Variants in ATP8A1 observed in about 807,000 individuals in gnomAD.
ATP8A1 encodes phospholipid-transporting ATPase IA.
A neutral mutation model predicts 177.7 loss-of-function variants in ATP8A1; 90 were observed. That is an observed-to-expected ratio of 0.51 (90% CI 0.43 to 0.60). ATP8A1 has a LOEUF of 0.60. Ranked by LOEUF, ATP8A1 falls within the 20% of genes least tolerant of loss-of-function variation. The pLI is 0.00. For synonymous variants in ATP8A1, 493 were observed against 485.9 expected (o/e 1.01, Z -0.19); for missense variants, 1,072 against 1,392.8 (o/e 0.77, Z 3.67).
chr4:42,638,694 T>C (rs1051561543), intron 1 of ATP8A1, among the ~76,000 whole-genome samples: 1 of 152,238 alleles, frequency 6.6e-6, no homozygotes, highest in East Asian at 1.9e-4. Context: ...CAGATAACTT[T>C]ATCTGACAGA....
Position 42,556,050 on chromosome 4 carries a change from G to A in ATP8A1, c.1341-10C>T. On this transcript the variant is annotated splice_polypyrimidine_tract_variant and intron_variant, in intron 15 of 36. Transcript: ENST00000381668. ...AAACTGTGAGTTCTGCCTGAAGGGGGTAAAAAATAGAGTAAACCCAGTTCA... is the reference window on the plus strand; with the variant it reads ...AAACTGTGAGTTCTGCCTGAAGGGGATAAAAAATAGAGTAAACCCAGTTCA... The A allele has an allele frequency of 6.3e-7, 1 of 1,599,830 alleles. No homozygotes were observed. The highest frequency in any genetic ancestry group is 1.1e-5 in the South Asian group (1 of 89,614).
rs189347082 is a variant in ATP8A1 at position 42,602,785 on chromosome 4, A to T, written c.410-2267T>A. ...CTCCGTCTCAAAAATAAAATAAAAT[A>T]AAATTAAAATAAATAAATAAATAAA... On this transcript the variant is annotated intron_variant, in intron 5 of 36. Transcript: ENST00000381668. Among the ~76,000 whole-genome samples, 521 of 148,820 alleles carry T rather than the reference A, an allele frequency of 3.5e-3. 4 individuals carry two copies. Among genetic ancestry groups the T allele is most frequent in the African/African-American group, 0.012 (470 of 39,626 alleles).
intron 25 of ATP8A1, among the ~76,000 whole-genome samples, chr4:42,470,394 G>A (rs994215725): frequency 2.0e-5 from 3 of 152,160 alleles, no homozygotes; most frequent in Non-Finnish European, 4.4e-5. Context: ...CATCTTACAT[G>A]AAGCTTGTTT....
chr4:42,521,973 C>G (rs928358173), intron 22 of ATP8A1, among the ~76,000 whole-genome samples, 187 bp downstream of exon 22: 1 of 152,156 alleles, frequency 6.6e-6, no homozygotes, highest in Non-Finnish European at 1.5e-5. Context: ...TAATGTCTAA[C>G]CCCAAAGGCT....
Position 42,494,130 on chromosome 4 carries a change from G to A in ATP8A1, c.2152-8462C>T, listed in dbSNP as rs1047625515. ...GCAGGAGAATTTCTTGAACCCAGGA[G>A]GCAGAGGTTGCAGTGAGCCAAGATC... On this transcript the variant is annotated intron_variant, in intron 24 of 36. Coordinates refer to ENST00000381668, the MANE Select transcript of ATP8A1 (RefSeq NM_006095.2). Among the ~76,000 whole-genome samples the A allele has an allele frequency of 2.6e-4, 34 of 131,970 alleles. 1 individual carries two copies. Among genetic ancestry groups the A allele is most frequent in the Non-Finnish European group, 6.2e-5 (4 of 64,714 alleles). The allele number at this position is 131,970 out of a possible 152,430, so 86.6% of individuals were successfully genotyped here.
chr4:42,517,067 A>G (rs1376001125), intron 22 of ATP8A1, among the ~76,000 whole-genome samples: 5 of 151,714 alleles, frequency 3.3e-5, no homozygotes, highest in East Asian at 1.9e-4. Context: ...TTGGGAGGCC[A>G]AGGGGGGGTG....
chr4:42,653,298 T>TC (rs1442440842), intron 1 of ATP8A1, among the ~76,000 whole-genome samples: 1 of 103,748 alleles, frequency 9.6e-6, no homozygotes. Context: ...TTTTCCCCAT[T>TC]TGCCACACAA....
chr4:42,512,432 C>CG (rs1157834296), intron 22 of ATP8A1, among the ~76,000 whole-genome samples: 2 of 152,222 alleles, frequency 1.3e-5, no homozygotes, highest in Non-Finnish European at 2.9e-5. Context: ...AGCTCCTTTA[C>CG]AAGCACACAT....
At chr4:42,656,772 C>A (rs771773972) in intron 1 of ATP8A1, 53 bp downstream of exon 1, 1 of 1,503,910 alleles carries the variant, frequency 6.6e-7, no homozygotes, top group South Asian at 1.3e-5. Context: ...CACGCTCACA[C>A]ACACACTCGC....
intron 5 of ATP8A1, among the ~76,000 whole-genome samples, chr4:42,601,985 A>G (rs1025539812): frequency 8.1e-6 from 1 of 123,842 alleles, no homozygotes; most frequent in African/African-American, 2.9e-5. Context: ...CACATACATT[A>G]TGTCTTAGCC....
intron 20 of ATP8A1, among the ~76,000 whole-genome samples, chr4:42,531,772 T>C (rs1378323141): frequency 1.3e-5 from 2 of 151,946 alleles, no homozygotes; most frequent in African/African-American, 2.4e-5. Flanking sequence ...ATACCAACAA[T>C]ATCTAGATGA....
intron 15 of ATP8A1, 89 bp from the exon 16 acceptor site, chr4:42,556,129 T>C: frequency 1.1e-6 from 1 of 869,702 alleles, no homozygotes; most frequent in South Asian, 1.7e-5. Context: ...TAAAGTGTTA[T>C]GTCTCCAAAC....
At chr4:42,548,300 A>T (rs1302855944) in intron 19 of ATP8A1, among the ~76,000 whole-genome samples, 8 of 152,166 alleles carry the variant, frequency 5.3e-5, no homozygotes, top group Admixed American at 3.9e-4. Flanking sequence ...CATAAATCTG[A>T]TGCCTCTAAA....
intron 27 of ATP8A1, among the ~76,000 whole-genome samples, chr4:42,459,125 G>C (rs536850985): frequency 1.3e-5 from 2 of 152,254 alleles, no homozygotes; most frequent in East Asian, 3.9e-4. Context: ...AAACTCTTGA[G>C]AAAAATAAAA....
At chr4:42,553,362 T>G (rs1577571747) in intron 16 of ATP8A1, among the ~76,000 whole-genome samples, 1 of 152,332 alleles carries the variant, frequency 6.6e-6, no homozygotes, top group East Asian at 1.9e-4. Context: ...TGAGGATTTT[T>G]CTATAATGCT....
Position 42,446,691 on chromosome 4 carries a change from CA to C in ATP8A1, c.2897-48del, listed in dbSNP as rs751360136. 1.5e-5 allele frequency: 23 copies of C among 1,524,586 alleles called. No individual in the cohort carries two copies. In the South Asian group the frequency reaches 2.6e-4, roughly 17 times the overall value. 94.4% of individuals were successfully genotyped at this position (1,524,586 alleles called of 1,614,324 possible). A position where few individuals can be genotyped will look rare whatever the true frequency, so the allele number is the denominator to read the frequency against. On this transcript the variant is annotated intron_variant, in intron 30 of 36. Transcript: ENST00000381668. ...ATTAGAAAGGAAAATGAGATTCTTTCAGAATCTTTTCAAAGATATTCAGAAA... is the reference window on the plus strand; with the variant it reads ...ATTAGAAAGGAAAATGAGATTCTTTCGAATCTTTTCAAAGATATTCAGAAA...
intron 15 of ATP8A1, among the ~76,000 whole-genome samples, chr4:42,567,080 G>A (rs1731427746): frequency 6.6e-6 from 1 of 152,186 alleles, no homozygotes; most frequent in African/African-American, 2.4e-5. Flanking sequence ...AGTACCAGTA[G>A]AATGAAAATC....
intron 33 of ATP8A1, among the ~76,000 whole-genome samples, chr4:42,437,099 G>C (rs548243722): frequency 1.3e-5 from 2 of 152,284 alleles, no homozygotes; most frequent in East Asian, 3.9e-4. Flanking sequence ...AGATCCCTTA[G>C]GCCAGGGAGA....
intron 33 of ATP8A1, among the ~76,000 whole-genome samples, chr4:42,435,610 G>A (rs1165271665): frequency 1.3e-5 from 2 of 152,168 alleles, no homozygotes; most frequent in Non-Finnish European, 2.9e-5. Context: ...CAGAGAGGCA[G>A]TCCGCCCTCT....
Sources: allele counts gnomAD v4.1 joint callset (sites outside exome capture counted in the v4.1 genomes callset), GRCh38; gene constraint gnomAD v4.1.1; transcripts MANE v1.5; gene names NCBI Gene and HGNC (gene_info 2026-07-23, HGNC 2026-07-21).